The following DPP10 variants were observed in gnomAD, a reference collection of about 807,000 sequenced individuals.
DPP10 encodes inactive dipeptidyl peptidase 10.
A neutral mutation model predicts 120.9 loss-of-function variants in DPP10; 33 were observed. The observed-to-expected ratio is 0.27, with a 90% CI of 0.21 to 0.37. The LOEUF (loss-of-function observed/expected upper bound fraction) is 0.37, where lower values mean the gene tolerates loss of function less well. Ranked by LOEUF, DPP10 falls within the 10% of genes least tolerant of loss-of-function variation. The pLI is 1.00. For synonymous variants in DPP10, 337 were observed against 326.1 expected (o/e 1.03, Z -0.36); for missense variants, 816 against 942.8 (o/e 0.87, Z 1.76).
chr2:115,099,958 T>C (rs1559094293), intron 1 of DPP10, among the ~76,000 whole-genome samples: 1 of 152,214 alleles, frequency 6.6e-6, no homozygotes. Flanking sequence ...TAAGCAGTCT[T>C]TAGTCCATTG....
intron 1 of DPP10, among the ~76,000 whole-genome samples, chr2:114,542,085 T>TCA (rs1687006535): frequency 6.8e-6 from 1 of 146,980 alleles, no homozygotes; most frequent in Non-Finnish European, 1.5e-5. Flanking sequence ...TCTCACTCTG[T>TCA]CTCCAAGGCT....
chr2:114,566,801 T>A (rs902981951), intron 1 of DPP10, among the ~76,000 whole-genome samples: 41 of 152,218 alleles, frequency 2.7e-4, no homozygotes, highest in Admixed American at 1.6e-3. Flanking sequence ...ACATGTGTCC[T>A]TGGACAAGTT....
chr2:115,494,621 G>T (rs1227140429), intron 3 of DPP10, among the ~76,000 whole-genome samples: 3 of 152,050 alleles, frequency 2.0e-5, no homozygotes, highest in African/African-American at 7.2e-5. Context: ...AAATCTTGTT[G>T]TTTAACAAAC....
chr2:115,159,451 A>G (rs2052137326), intron 1 of DPP10, among the ~76,000 whole-genome samples: 2 of 152,344 alleles, frequency 1.3e-5, no homozygotes, highest in South Asian at 4.1e-4. Context: ...AGGTATTCCA[A>G]CATTTCTTGT....
At chr2:114,654,054 G>A (rs1039794479) in intron 1 of DPP10, among the ~76,000 whole-genome samples, 2 of 152,128 alleles carry the variant, frequency 1.3e-5, no homozygotes, top group East Asian at 1.9e-4. Flanking sequence ...ATCTTACTAT[G>A]GAATAGCTTT....
chr2:115,805,159 A>G (rs1278016299), intron 19 of DPP10, among the ~76,000 whole-genome samples: 4 of 151,962 alleles, frequency 2.6e-5, no homozygotes, highest in African/African-American at 4.8e-5. Flanking sequence ...CCTCACTGCC[A>G]CCTTGCAGTT....
At chr2:115,376,307 T>C (rs1362517673) in intron 3 of DPP10, among the ~76,000 whole-genome samples, 2 of 152,198 alleles carry the variant, frequency 1.3e-5, no homozygotes, top group Non-Finnish European at 2.9e-5. Context: ...TTGAATGTTA[T>C]GTATGAACAC....
At position 115,122,773 on chromosome 2, in the gene DPP10, A is replaced by C. The variant is rs145764139; in HGVS notation, c.61-186466A>C. On this transcript the variant is annotated intron_variant, in intron 1 of 25. Transcript: ENST00000410059. ...GAAACCTTGAACATTACACGGCCTTAGGCTTTAGCCCTACCACTCTCAGGA... is the reference window on the plus strand; with the variant it reads ...GAAACCTTGAACATTACACGGCCTTCGGCTTTAGCCCTACCACTCTCAGGA... Among the ~76,000 whole-genome samples the C allele has an allele frequency of 2.7e-4, 41 of 152,312 alleles. 1 individual carries two copies. The East Asian group carries it at 3.5e-3, about 13-fold the overall frequency.
intron 19 of DPP10, among the ~76,000 whole-genome samples, chr2:115,801,881 G>A (rs540975144): frequency 2.0e-5 from 3 of 152,112 alleles, no homozygotes; most frequent in Non-Finnish European, 4.4e-5. Flanking sequence ...CAAGGATATT[G>A]GTCTAAAATT....
intron 1 of DPP10, among the ~76,000 whole-genome samples, chr2:114,887,724 T>C (rs576458786): frequency 1.7e-4 from 26 of 152,338 alleles, no homozygotes; most frequent in African/African-American, 6.0e-4. Flanking sequence ...CACAGTGTAT[T>C]AGAAAGCAGA....
intron 3 of DPP10, among the ~76,000 whole-genome samples, chr2:115,447,351 A>G (rs1433491154): frequency 1.3e-5 from 2 of 152,128 alleles, no homozygotes; most frequent in Non-Finnish European, 2.9e-5. Context: ...TCTGTCTCAG[A>G]TGAGACTTTG....
intron 5 of DPP10, among the ~76,000 whole-genome samples, chr2:115,626,288 C>T (rs1367654998): frequency 1.3e-5 from 2 of 151,732 alleles, no homozygotes; most frequent in African/African-American, 2.4e-5. Flanking sequence ...TGATCTTAAC[C>T]AAATATCAAA....
At chr2:115,813,871 A>T (rs1686937871) in intron 19 of DPP10, among the ~76,000 whole-genome samples, 1 of 152,170 alleles carries the variant, frequency 6.6e-6, no homozygotes, top group Non-Finnish European at 1.5e-5. Context: ...GGAATTTCTC[A>T]CAGGTTGCCC....
intron 1 of DPP10, among the ~76,000 whole-genome samples, chr2:115,027,902 G>A (rs1703577013): frequency 1.3e-5 from 2 of 151,944 alleles, no homozygotes; most frequent in Admixed American, 1.3e-4. Context: ...TTGGTGTATA[G>A]TTGTTCATAT....
chr2:114,625,647 T>C (rs1435416988), intron 1 of DPP10, among the ~76,000 whole-genome samples: 3 of 151,978 alleles, frequency 2.0e-5, no homozygotes, highest in Non-Finnish European at 4.4e-5. Context: ...CCAAAGGTAA[T>C]CAAAGAGCCT....
chr2:115,803,925 C>T (rs537985072), intron 19 of DPP10, among the ~76,000 whole-genome samples: 8 of 152,164 alleles, frequency 5.3e-5, no homozygotes, highest in Non-Finnish European at 8.8e-5. Context: ...TTGCTCTTCT[C>T]GAGCAGTATC....
At chr2:115,622,383 T>C (rs1030124047) in intron 5 of DPP10, among the ~76,000 whole-genome samples, 3 of 152,214 alleles carry the variant, frequency 2.0e-5, no homozygotes, top group African/African-American at 7.2e-5. Context: ...TGTCTAATAG[T>C]GTTCCATTTC....
At chr2:115,194,977 T>C (rs1168741745) in intron 1 of DPP10, among the ~76,000 whole-genome samples, 2 of 152,132 alleles carry the variant, frequency 1.3e-5, no homozygotes, top group Non-Finnish European at 2.9e-5. Flanking sequence ...TTTCCTAGTG[T>C]TGGGTTTTGC....
rs542224997 is a variant in DPP10, at chr2:115,508,423, G to T, written c.366+8819G>T. On this transcript the variant is annotated intron_variant, in intron 4 of 25. Coordinates refer to ENST00000410059, the MANE Select transcript of DPP10 (RefSeq NM_020868.6). ...AAGGATCTCATTATGTATTAAGGGA[G>T]ATATGCACTAATCAAATAATTAGAT... Among the ~76,000 whole-genome samples the T allele has an allele frequency of 2.0e-5, 3 of 152,212 alleles. No individual in the cohort carries two copies. The East Asian group carries it at 5.8e-4, about 29-fold the overall frequency.
Sources: allele counts gnomAD v4.1 joint callset (sites outside exome capture counted in the v4.1 genomes callset), GRCh38; gene constraint gnomAD v4.1.1; transcripts MANE v1.5; gene names NCBI Gene and HGNC (gene_info 2026-07-23, HGNC 2026-07-21).